The following RABGAP1L variants were observed in gnomAD, a reference collection of about 807,000 sequenced individuals.
The protein encoded by RABGAP1L is RAB GTPase activating protein 1 like.
RABGAP1L carries 63 observed loss-of-function variants against 137.7 expected under a neutral mutation model. The ratio of observed to expected loss-of-function variants is 0.46; its 90% CI spans 0.37 to 0.56. RABGAP1L has a LOEUF of 0.56. Ranked by LOEUF, RABGAP1L falls within the 20% of genes least tolerant of loss-of-function variation. The pLI is 0.00. For missense variants in RABGAP1L, 1,095 were observed against 1,244.0 expected (o/e 0.88, Z 1.80); for synonymous variants, 431 against 433.7 (o/e 0.99, Z 0.08).
At chr1:174,953,199 C>T (rs1668003016) in intron 19 of RABGAP1L, among the ~76,000 whole-genome samples, 1 of 152,002 alleles carries the variant, frequency 6.6e-6, no homozygotes, top group African/African-American at 2.4e-5. Context: ...TATTGTTATA[C>T]AACATGATTA....
chr1:174,456,180 TG>T (rs1193652662), intron 13 of RABGAP1L, among the ~76,000 whole-genome samples: 1 of 152,108 alleles, frequency 6.6e-6, no homozygotes, highest in Non-Finnish European at 1.5e-5. Flanking sequence ...TTTAATCAGA[TG>T]TATTATCAGG....
chr1:174,339,953 A>T (rs900542100), intron 11 of RABGAP1L, among the ~76,000 whole-genome samples: 1 of 152,226 alleles, frequency 6.6e-6, no homozygotes. Context: ...TATAGTAAAT[A>T]TGAGTTGTGA....
chr1:174,216,280 A>G (rs1028505990), intron 1 of RABGAP1L, among the ~76,000 whole-genome samples: 3 of 152,168 alleles, frequency 2.0e-5, no homozygotes, highest in Admixed American at 6.5e-5. Context: ...TTGGACATTT[A>G]AAAATAACTA....
At chr1:174,455,854 C>T (rs1183325878) in intron 13 of RABGAP1L, among the ~76,000 whole-genome samples, 1 of 152,078 alleles carries the variant, frequency 6.6e-6, no homozygotes, top group Non-Finnish European at 1.5e-5. Context: ...TAAACACTAT[C>T]TCATTTCACA....
intron 11 of RABGAP1L, among the ~76,000 whole-genome samples, chr1:174,306,099 A>G (rs1245952345): frequency 6.6e-6 from 1 of 152,110 alleles, no homozygotes. Flanking sequence ...TGAACTCATC[A>G]TTTTTTATGG....
chr1:174,717,786 C>T (rs1681147403), intron 17 of RABGAP1L, among the ~76,000 whole-genome samples: 1 of 152,128 alleles, frequency 6.6e-6, no homozygotes, highest in Admixed American at 6.6e-5. Context: ...TTTACAAGTA[C>T]TGCTGGTTCT....
intron 13 of RABGAP1L, among the ~76,000 whole-genome samples, chr1:174,619,137 A>G (rs932840864): frequency 1.2e-4 from 18 of 152,228 alleles, no homozygotes; most frequent in Non-Finnish European, 2.1e-4. Context: ...ATATGGGACT[A>G]TGTGAAACGA....
chr1:174,385,758 T>G (rs1171214916), intron 12 of RABGAP1L, among the ~76,000 whole-genome samples: 3 of 152,134 alleles, frequency 2.0e-5, no homozygotes, highest in Non-Finnish European at 2.9e-5. Context: ...ATAGGTGAAG[T>G]CTGATGAAGC....
intron 13 of RABGAP1L, among the ~76,000 whole-genome samples, chr1:174,588,750 T>C (rs549037587): frequency 2.0e-5 from 3 of 152,270 alleles, no homozygotes; most frequent in Admixed American, 6.5e-5. Context: ...GTCTTTTAGT[T>C]CTATCTATGT....
At chr1:174,306,818 A>G (rs1167626714) in intron 11 of RABGAP1L, among the ~76,000 whole-genome samples, 1 of 152,080 alleles carries the variant, frequency 6.6e-6, no homozygotes, top group African/African-American at 2.4e-5. Context: ...TTTTATACAA[A>G]CTAGAGCTAA....
At chr1:174,486,223 C>CTTTTTTTTTTTTTTTTTTTTT (rs201692363) in intron 13 of RABGAP1L, among the ~76,000 whole-genome samples, 4 of 119,874 alleles carry the variant, frequency 3.3e-5, no homozygotes, top group East Asian at 2.5e-4. Context: ...GTTCTTTTTT[C>CTTTTTTTTTTTTTTTTTTTTT]TTTTTTTTTT....
chr1:174,432,498 A>G (rs1409627891), intron 13 of RABGAP1L, among the ~76,000 whole-genome samples: 1 of 152,160 alleles, frequency 6.6e-6, no homozygotes, highest in Non-Finnish European at 1.5e-5. Context: ...ATTTTCCTAA[A>G]AAACATGGTC....
chr1:174,703,266 C>G (rs182758492), intron 17 of RABGAP1L, among the ~76,000 whole-genome samples: 1 of 152,152 alleles, frequency 6.6e-6, no homozygotes, highest in Non-Finnish European at 1.5e-5. Flanking sequence ...CCCCTACCCC[C>G]CTCTCACTGT....
intron 19 of RABGAP1L, chr1:174,877,266 A>G (rs1055349675): frequency 5.7e-6 from 4 of 695,752 alleles, no homozygotes; most frequent in South Asian, 1.8e-5. Flanking sequence ...TCCTGCATAG[A>G]TAAGAAACCT....
At position 174,928,261 on chromosome 1, in the gene RABGAP1L, A is replaced by C. The variant is rs570820795; in HGVS notation, c.2341-29196A>C. Among the ~76,000 whole-genome samples the C allele has an allele frequency of 5.1e-4, 77 of 152,146 alleles. 1 individual carries two copies. Among genetic ancestry groups the C allele is most frequent in the African/African-American group, 1.8e-3 (74 of 41,520 alleles). ...TATCTACCTCCATAATATATGTCCT[A>C]ACTTCCAGATAGAGTAGACCGTTGA... On this transcript the variant is annotated intron_variant, in intron 19 of 25. Transcript: ENST00000681986.
chr1:174,636,132 T>G (rs1674007970), intron 13 of RABGAP1L, among the ~76,000 whole-genome samples: 1 of 152,154 alleles, frequency 6.6e-6, no homozygotes, highest in Non-Finnish European at 1.5e-5. Context: ...AGGAATAAAA[T>G]AAAATCAAGA....
chr1:174,383,648 TCGCGCACGGTG>T (rs1420630814), intron 12 of RABGAP1L, among the ~76,000 whole-genome samples: 2 of 152,170 alleles, frequency 1.3e-5, no homozygotes, highest in Non-Finnish European at 2.9e-5. Flanking sequence ...CTGCTTCGGC[TCGCGCACGGTG>T]CGCGCACCCA....
At chr1:174,431,026 G>C (rs941286189) in intron 13 of RABGAP1L, among the ~76,000 whole-genome samples, 2 of 151,956 alleles carry the variant, frequency 1.3e-5, no homozygotes, top group Non-Finnish European at 2.9e-5. Flanking sequence ...ATAACAATAA[G>C]ATATCCTAAA....
In RABGAP1L at chr1:174,675,978, G is replaced by GT. The variant is rs201548780; in HGVS notation, c.1825-7534dup. On this transcript the variant is annotated intron_variant, in intron 14 of 25. Transcript: ENST00000681986. ...GAGGTACCTGCAAGTAAAACTGAGG[G>GT]TTTTTTTTTTGAAGTAAAAGAAAGA... 2.4e-3 allele frequency among the ~76,000 whole-genome samples: 353 copies of GT among 148,442 alleles called. 3 individuals are homozygous for GT. Among genetic ancestry groups the GT allele is most frequent in the East Asian group, 9.4e-3 (48 of 5,090 alleles).
Sources: allele counts gnomAD v4.1 joint callset (sites outside exome capture counted in the v4.1 genomes callset), GRCh38; gene constraint gnomAD v4.1.1; transcripts MANE v1.5; gene names NCBI Gene and HGNC (gene_info 2026-07-23, HGNC 2026-07-21).